FARP2: variants seen among roughly 807,000 people sequenced by gnomAD.
FARP2 encodes FERM, ARH/RhoGEF and pleckstrin domain protein 2.
A neutral mutation model predicts 130.5 loss-of-function variants in FARP2; 111 were observed. The ratio of observed to expected loss-of-function variants is 0.85; its 90% CI spans 0.73 to 1.00. The LOEUF is 1.00. Ranked by LOEUF, FARP2 falls within the 50% of genes least tolerant of loss-of-function variation. The pLI, the probability that FARP2 is intolerant of heterozygous loss-of-function variation, is 0.00. For missense variants in FARP2, 1,385 were observed against 1,346.3 expected, an observed-to-expected ratio of 1.03 and a Z score of -0.45; for synonymous variants, 504 against 516.9, an observed-to-expected ratio of 0.98 and a Z score of 0.34.
chr2:241,493,135 C>A, intron 25 of FARP2, 99 bp downstream of exon 25: 1 of 1,146,524 alleles, frequency 8.7e-7, no homozygotes, highest in South Asian at 1.3e-5. Flanking sequence ...TCTGCCCTCC[C>A]ATGCTTTGCC....
At chr2:241,360,765 T>G (rs1298333924) in intron 1 of FARP2, among the ~76,000 whole-genome samples, 2 of 150,596 alleles carry the variant, frequency 1.3e-5, no homozygotes, top group Non-Finnish European at 3.0e-5. Context: ...TTGAGAAAAA[T>G]AACGTTTGTT....
Position 241,459,399 on chromosome 2 carries a change from G to A in FARP2, c.1587+2477G>A, listed in dbSNP as rs1035507196. On this transcript the variant is annotated intron_variant, in intron 14 of 26. Coordinates refer to ENST00000264042, the MANE Select transcript of FARP2 (RefSeq NM_014808.4). This position sits in a 1 kb window ranked among gnomAD's most constrained non-coding sequence, Gnocchi z 5.3. The stretch of plus-strand genomic sequence containing the variant: ...CACTGAGGCCACCCGTCAAGCTTTT[G>A]CACTTGCACCCAGTTGCTGGGCTGT... Among the ~76,000 whole-genome samples, 3 of 152,246 alleles carry A rather than the reference G, an allele frequency of 2.0e-5. No homozygotes were observed. Among genetic ancestry groups the A allele is most frequent in the Admixed American group, 6.5e-5 (1 of 15,290 alleles).
Position 241,434,278 on chromosome 2 carries a change from G to A in FARP2, c.988G>A (p.Ala330Thr), listed in dbSNP as rs781494582. Residue 330 changes from alanine (A) to threonine (T), a missense_variant, in exon 10 of 27, where the codon GCA becomes ACA. Coordinates refer to ENST00000264042, the MANE Select transcript of FARP2 (RefSeq NM_014808.4). The stretch of plus-strand genomic sequence containing the variant: ...ACTTTTGGACCAACCTAAGCCAAAA[G>A]CAAAAGCCGTCTTCTTCAGCCGGGG... ...FRLLDQPKPK[A>T]KAVFFSRGSS... 1 of 1,613,300 alleles carries A rather than the reference G, an allele frequency of 6.2e-7. No individual in the cohort carries two copies. The highest frequency in any genetic ancestry group is 1.1e-5 in the South Asian group (1 of 90,836).
intron 8 of FARP2, among the ~76,000 whole-genome samples, chr2:241,430,382 C>T (rs534077088): frequency 6.6e-6 from 1 of 152,330 alleles, no homozygotes; most frequent in East Asian, 1.9e-4. Context: ...AAGATCCATG[C>T]ACTCAGTGTG....
At chr2:241,417,372 A>T (rs2062700634) in intron 7 of FARP2, among the ~76,000 whole-genome samples, 1 of 151,824 alleles carries the variant, frequency 6.6e-6, no homozygotes, top group African/African-American at 2.4e-5. Flanking sequence ...TTTCTTTTTC[A>T]TTTCATTTTA....
chr2:241,413,189 A>G, intron 6 of FARP2, 118 bp from the exon 7 acceptor site: 1 of 618,424 alleles, frequency 1.6e-6, no homozygotes, highest in East Asian at 2.8e-5. Flanking sequence ...TTTTTTAGGG[A>G]TATATTCTTT....
chr2:241,493,117 A>AT (rs916821837), intron 25 of FARP2, 81 bp downstream of exon 25: 2 of 1,134,656 alleles, frequency 1.8e-6, no homozygotes, highest in African/African-American at 3.1e-5. Flanking sequence ...TCCCTTTTGT[A>AT]TTTTGGTTCT....
chr2:241,433,061 G>A (rs1449770914), intron 9 of FARP2, among the ~76,000 whole-genome samples: 1 of 152,016 alleles, frequency 6.6e-6, no homozygotes, highest in African/African-American at 2.4e-5. Context: ...TCCTGTGGAT[G>A]AAGGGGAAGT....
At chr2:241,460,925 C>T (rs1291264415) in intron 14 of FARP2, among the ~76,000 whole-genome samples, 1 of 152,164 alleles carries the variant, frequency 6.6e-6, no homozygotes, top group Non-Finnish European at 1.5e-5. Context: ...AGCAGCATCT[C>T]AGTAGACTGT....
chr2:241,418,189 G>T, intron 8 of FARP2, 80 bp downstream of exon 8: 1 of 1,498,194 alleles, frequency 6.7e-7, no homozygotes, highest in South Asian at 1.2e-5. Flanking sequence ...TCTTATAGAT[G>T]TTAGTAAATA....
At position 241,453,099 on chromosome 2, in the gene FARP2, G is replaced by A. The variant is rs112197533; in HGVS notation, c.1412-3648G>A. 1.6e-3 allele frequency among the ~76,000 whole-genome samples: 237 copies of A among 152,014 alleles called. 2 individuals carry two copies. The highest frequency in any genetic ancestry group is 5.2e-3 in the African/African-American group (215 of 41,444). On this transcript the variant is annotated intron_variant, in intron 13 of 26. Coordinates refer to ENST00000264042, the MANE Select transcript of FARP2 (RefSeq NM_014808.4). ...AATCCCAGCACTCTGGGAGGCCAAG[G>A]CGGGCGGATCACTTGAGGTCAGGAG...
chr2:241,472,304 C>A (rs1461440099), intron 18 of FARP2, among the ~76,000 whole-genome samples: 1 of 148,116 alleles, frequency 6.8e-6, no homozygotes, highest in Non-Finnish European at 1.5e-5. Flanking sequence ...ATGAAGGAAT[C>A]CTGCTTGGAT....
intron 19 of FARP2, among the ~76,000 whole-genome samples, chr2:241,477,064 G>T (rs557807222): frequency 1.3e-5 from 2 of 150,912 alleles, no homozygotes; most frequent in East Asian, 1.9e-4. Flanking sequence ...ACACATTAAT[G>T]TGGCCTCTTG....
chr2:241,463,813 C>A, intron 16 of FARP2, 86 bp from the exon 17 acceptor site: 1 of 1,193,622 alleles, frequency 8.4e-7, no homozygotes, highest in Non-Finnish European at 1.2e-6. Flanking sequence ...CAGCTGGAAC[C>A]AAGGCAGCTG....
chr2:241,451,459 G>A (rs551746640), intron 13 of FARP2, among the ~76,000 whole-genome samples: 1 of 152,302 alleles, frequency 6.6e-6, no homozygotes, highest in South Asian at 2.1e-4. Flanking sequence ...GGCAATTGAA[G>A]TCTTGTCTAT....
intron 8 of FARP2, among the ~76,000 whole-genome samples, chr2:241,429,414 T>C (rs2063037133): frequency 6.6e-6 from 1 of 152,196 alleles, no homozygotes; most frequent in African/African-American, 2.4e-5. Context: ...AGAATGTTTA[T>C]GATATGGGAT....
intron 20 of FARP2, 92 bp from the exon 21 acceptor site, chr2:241,484,150 G>A (rs775939908): frequency 6.3e-7 from 1 of 1,578,546 alleles, no homozygotes; most frequent in Non-Finnish European, 8.6e-7. Flanking sequence ...CAGATCTGAT[G>A]TCCACATGAT....
In FARP2 at chr2:241,482,072, C is replaced by G. The variant is rs948434650; in HGVS notation, c.2263-1393C>G. Among the ~76,000 whole-genome samples the G allele has an allele frequency of 6.6e-5, 10 of 152,164 alleles. No individual in the cohort carries two copies. The highest frequency in any genetic ancestry group is 2.4e-4 in the African/African-American group (10 of 41,418). Reference sequence around the variant, plus strand: ...GTCAGTCAACAGACAGAAACCATGCCAGTTATTTGAGCAGAGGATGTAATA... The same window carrying G: ...GTCAGTCAACAGACAGAAACCATGCGAGTTATTTGAGCAGAGGATGTAATA... On this transcript the variant is annotated intron_variant, in intron 19 of 26. Coordinates refer to ENST00000264042, the MANE Select transcript of FARP2 (RefSeq NM_014808.4). The surrounding 1 kb of genome is among the most constrained non-coding windows in gnomAD (Gnocchi z 4.6).
chr2:241,428,280 G>C (rs1431764093), intron 8 of FARP2, among the ~76,000 whole-genome samples: 1 of 148,452 alleles, frequency 6.7e-6, no homozygotes, highest in Non-Finnish European at 1.5e-5. Context: ...TGTCGTCCAG[G>C]CTGGAGTACA....
Sources: allele counts gnomAD v4.1 joint callset (sites outside exome capture counted in the v4.1 genomes callset), GRCh38; gene constraint gnomAD v4.1.1; non-coding constraint Gnocchi (gnomAD v3.1); transcripts MANE v1.5; gene names NCBI Gene and HGNC (gene_info 2026-07-23, HGNC 2026-07-21).